MAN1A2: variants seen among roughly 807,000 people sequenced by gnomAD.
The protein encoded by MAN1A2 is mannosidase alpha class 1A member 2, also known as mannosyl-oligosaccharide 1,2-alpha-mannosidase IB.
A neutral mutation model predicts 75.7 loss-of-function variants in MAN1A2; 26 were observed. That is an observed-to-expected ratio of 0.34 (90% CI 0.25 to 0.48). MAN1A2 has a LOEUF of 0.48. Ranked by LOEUF, MAN1A2 falls within the 20% of genes least tolerant of loss-of-function variation. The pLI is 0.99. For missense variants in MAN1A2, 562 were observed against 775.5 expected, an observed-to-expected ratio of 0.72 and a Z score of 3.27; for synonymous variants, 247 against 264.6, an observed-to-expected ratio of 0.93 and a Z score of 0.65.
chr1:117,476,173 G>T (rs558131697), intron 8 of MAN1A2, among the ~76,000 whole-genome samples: 4 of 152,076 alleles, frequency 2.6e-5, no homozygotes, highest in Non-Finnish European at 5.9e-5. Context: ...CTTTTGAGAG[G>T]TGTCTGTTCA....
At chr1:117,414,881 C>A in intron 4 of MAN1A2, 50 bp downstream of exon 4, 2 of 1,080,380 alleles carry the variant, frequency 1.9e-6, no homozygotes, top group Non-Finnish European at 2.9e-6. Flanking sequence ...TGAAAAGACA[C>A]AATGTCTAAC....
At chr1:117,389,722 TTG>T (rs1557930410) in intron 1 of MAN1A2, among the ~76,000 whole-genome samples, 1 of 151,990 alleles carries the variant, frequency 6.6e-6, no homozygotes, top group East Asian at 1.9e-4. Flanking sequence ...TCTTTTTTTT[TTG>T]TGTGTGTCTG....
chr1:117,459,619 A>T (rs760630005), intron 6 of MAN1A2, among the ~76,000 whole-genome samples: 11 of 152,198 alleles, frequency 7.2e-5, no homozygotes, highest in Non-Finnish European at 1.6e-4. Flanking sequence ...AAGCCTCTAC[A>T]ATTTTTCATT....
chr1:117,438,882 C>T (rs1648935109), intron 5 of MAN1A2, among the ~76,000 whole-genome samples: 1 of 152,094 alleles, frequency 6.6e-6, no homozygotes, highest in South Asian at 2.1e-4. Flanking sequence ...TTTCTTAGCA[C>T]TATCTCTGTC....
intron 11 of MAN1A2, among the ~76,000 whole-genome samples, chr1:117,501,176 G>C (rs1016852083): frequency 4.0e-5 from 6 of 151,736 alleles, no homozygotes; most frequent in African/African-American, 1.5e-4. Context: ...GCCCATGTCT[G>C]TCTAAATTTG....
At chr1:117,451,172 C>G (rs754862187) in intron 6 of MAN1A2, among the ~76,000 whole-genome samples, 2 of 152,210 alleles carry the variant, frequency 1.3e-5, no homozygotes, top group African/African-American at 4.8e-5. Context: ...TCAGTGTGAC[C>G]TGGATGTGAG....
At chr1:117,375,003 C>T (rs1007395287) in intron 1 of MAN1A2, among the ~76,000 whole-genome samples, 3 of 152,004 alleles carry the variant, frequency 2.0e-5, no homozygotes, top group Non-Finnish European at 4.4e-5. Context: ...AACGAAATGA[C>T]TTTTATACAT....
At chr1:117,458,487 A>ATATATATC (rs1275315624) in intron 6 of MAN1A2, among the ~76,000 whole-genome samples, 19 of 52,842 alleles carry the variant, frequency 3.6e-4, no homozygotes, top group African/African-American at 1.2e-3. Flanking sequence ...GATGAGAAAT[A>ATATATATC]TATATATATC....
At chr1:117,390,538 A>G (rs1032273036) in intron 1 of MAN1A2, among the ~76,000 whole-genome samples, 2 of 151,470 alleles carry the variant, frequency 1.3e-5, no homozygotes, top group Non-Finnish European at 3.0e-5. Context: ...AAATTTATCA[A>G]TTTTATTGAT....
At chr1:117,472,242 A>G (rs2101848953) in intron 8 of MAN1A2, among the ~76,000 whole-genome samples, 1 of 152,194 alleles carries the variant, frequency 6.6e-6, no homozygotes, top group Admixed American at 6.6e-5. Flanking sequence ...TGAAAACAGA[A>G]AAGGAAAATC....
intron 8 of MAN1A2, among the ~76,000 whole-genome samples, chr1:117,478,729 G>A (rs1650397972): frequency 6.6e-6 from 1 of 151,844 alleles, no homozygotes; most frequent in East Asian, 1.9e-4. Context: ...ACATTTAAGT[G>A]TATGTTTATT....
At chr1:117,488,025 C>G (rs1650766498) in intron 8 of MAN1A2, among the ~76,000 whole-genome samples, 2 of 151,960 alleles carry the variant, frequency 1.3e-5, no homozygotes, top group Non-Finnish European at 2.9e-5. Context: ...TTGTGAATTT[C>G]TTGTTCTATC....
chr1:117,406,482 A>T (rs1647619331), intron 3 of MAN1A2, among the ~76,000 whole-genome samples: 1 of 152,132 alleles, frequency 6.6e-6, no homozygotes, highest in South Asian at 2.1e-4. Context: ...TTTCTTTTTG[A>T]CACTAGGGAA....
intron 8 of MAN1A2, among the ~76,000 whole-genome samples, chr1:117,477,315 C>T (rs550212729): frequency 1.3e-5 from 2 of 151,952 alleles, no homozygotes; most frequent in African/African-American, 4.8e-5. Context: ...GTTACCAAAA[C>T]CTGGCAGAGA....
At chr1:117,395,715 TA>T (rs1653880760) in intron 1 of MAN1A2, among the ~76,000 whole-genome samples, 2 of 152,208 alleles carry the variant, frequency 1.3e-5, no homozygotes, top group Admixed American at 6.5e-5. Context: ...CTTGTAGATA[TA>T]AAACTAGATT....
chr1:117,425,845 T>C lies in MAN1A2; in HGVS notation c.855+5196T>C, dbSNP rs1165972321. Among the ~76,000 whole-genome samples the C allele has an allele frequency of 2.6e-5, 4 of 152,238 alleles. No homozygotes were observed. In the East Asian group the frequency reaches 5.8e-4, roughly 22 times the overall value. ...CACTTTTACCTTAGGTGATCAGTTA[T>C]CGTTTAGAACTATTAAAAATAAAAG... On this transcript the variant is annotated intron_variant, in intron 5 of 12. Transcript: ENST00000356554.
chr1:117,373,149 G>GT (rs59450083), intron 1 of MAN1A2, among the ~76,000 whole-genome samples: 12,308 of 147,450 alleles, frequency 0.083, 536 homozygotes, highest in Middle Eastern at 0.16. Flanking sequence ...TATGATTCGT[G>GT]TTTTTTTTTT....
rs183510953 is a variant in MAN1A2 at position 117,518,786 on chromosome 1, A to C, written c.1794-4039A>C. Among the ~76,000 whole-genome samples, 642 of 152,184 alleles carry C rather than the reference A, an allele frequency of 4.2e-3. 1 individual carries two copies. Among genetic ancestry groups the C allele is most frequent in the Middle Eastern group, 6.8e-3 (2 of 294 alleles). The stretch of plus-strand genomic sequence containing the variant: ...AGCACTAGACAGGTCAACAAGACAG[A>C]AAGTCAACAAAGAAACAATGGATTT... On this transcript the variant is annotated intron_variant, in intron 12 of 12. Transcript: ENST00000356554.
intron 1 of MAN1A2, among the ~76,000 whole-genome samples, chr1:117,394,733 A>G (rs142186104): frequency 2.8e-4 from 42 of 152,304 alleles, no homozygotes; most frequent in Admixed American, 1.9e-3. Context: ...GGAAGGATCA[A>G]TTTTTAACAG....
Sources: gnomAD v4.1 joint callset for allele counts (sites outside exome capture counted in the v4.1 genomes callset) on GRCh38, gnomAD v4.1.1 for gene constraint, MANE v1.5 for transcripts, NCBI Gene and HGNC (gene_info 2026-07-23, HGNC 2026-07-21) for gene names.